NVL: variants seen among roughly 807,000 people sequenced by gnomAD.
NVL encodes nuclear valosin-containing protein-like.
Under a neutral mutation model 110.2 loss-of-function variants are expected in NVL, and 84 were observed. The ratio of observed to expected loss-of-function variants is 0.76; its 90% CI spans 0.64 to 0.91. NVL has a LOEUF of 0.91. Ranked by LOEUF, NVL falls within the 40% of genes least tolerant of loss-of-function variation. NVL has a pLI of 0.00. For missense variants in NVL, 882 were observed against 1,035.9 expected (o/e 0.85, Z 2.04); for synonymous variants, 354 against 361.1 (o/e 0.98, Z 0.22).
Position 224,285,512 on chromosome 1 carries a change from G to T in NVL, c.1899+514C>A, listed in dbSNP as rs569103728. On this transcript the variant is annotated intron_variant, in intron 15 of 22. Coordinates refer to ENST00000281701, the MANE Select transcript of NVL (RefSeq NM_002533.4). ...AAACTTAAAAGTTAGATATTACTTT[G>T]ATATGTATGCATAGAAAAATATCTG... is the stretch of plus-strand genomic sequence containing the variant. 2.0e-5 allele frequency among the ~76,000 whole-genome samples: 3 copies of T among 152,222 alleles called. No homozygotes were observed. In the East Asian group the frequency reaches 5.8e-4, roughly 29 times the overall value.
chr1:224,254,375 G>A (rs1181009608), intron 18 of NVL, among the ~76,000 whole-genome samples: 1 of 143,732 alleles, frequency 7.0e-6, no homozygotes, highest in Non-Finnish European at 1.5e-5. Flanking sequence ...ACAGGCATGA[G>A]CCACAGTGCC....
At chr1:224,240,879 C>T (rs1412120999) in intron 19 of NVL, among the ~76,000 whole-genome samples, 6 of 150,504 alleles carry the variant, frequency 4.0e-5, no homozygotes, top group Non-Finnish European at 8.9e-5. Flanking sequence ...CAAGCTCCGC[C>T]TCCCGGGTTC....
At chr1:224,233,503 T>C (rs1660136901) in intron 20 of NVL, among the ~76,000 whole-genome samples, 1 of 152,236 alleles carries the variant, frequency 6.6e-6, no homozygotes, top group Admixed American at 6.5e-5. Flanking sequence ...CTCACGCCTA[T>C]AATCCCAGCA....
chr1:224,325,429 G>C (rs1233209645), intron 2 of NVL, among the ~76,000 whole-genome samples: 1 of 146,588 alleles, frequency 6.8e-6, no homozygotes, highest in East Asian at 2.0e-4. Flanking sequence ...AATAAAAACT[G>C]TATTTAAAAA....
intron 18 of NVL, 150 bp from the exon 19 acceptor site, chr1:224,250,468 G>GCA: frequency 1.7e-6 from 1 of 582,292 alleles, no homozygotes; most frequent in Non-Finnish European, 2.7e-6. Context: ...AGGCTCAGAT[G>GCA]ATTCTCCCAC....
intron 18 of NVL, among the ~76,000 whole-genome samples, chr1:224,260,884 T>C (rs1050300696): frequency 1.3e-5 from 2 of 151,436 alleles, no homozygotes; most frequent in Non-Finnish European, 2.9e-5. Context: ...ATTTTTATTT[T>C]ATATTTTTTG....
chr1:224,290,840 G>A (rs915795675), intron 12 of NVL, among the ~76,000 whole-genome samples: 9 of 151,882 alleles, frequency 5.9e-5, no homozygotes, highest in African/African-American at 2.2e-4. Flanking sequence ...CATGGGGGCG[G>A]GTACCTGTAA....
Position 224,294,358 on chromosome 1 carries a change from G to C in NVL, c.1234C>G (p.Arg412Gly), listed in dbSNP as rs773133873. ...AAAGCAGGGTCTAACGAGTCTGGTC[G>C]ATTAGTAGCTCCAATAACTAGGACC... ...ARVLVIGATN[R>G]PDSLDPALRR... Residue 412 changes from arginine (R) to glycine (G), a missense_variant, in exon 12 of 23, where the codon CGA becomes GGA. Arg to Gly is a moderately radical substitution (Grantham distance 125, BLOSUM62 -2). This residue lies in a region of NVL where 416 missense variants were observed against 499.3 expected (regional missense o/e 0.83). Coordinates refer to ENST00000281701, the MANE Select transcript of NVL (RefSeq NM_002533.4). 1 of 1,614,010 alleles carries C rather than the reference G, an allele frequency of 6.2e-7. No individual in the cohort carries two copies. Among genetic ancestry groups the C allele is most frequent in the East Asian group, 2.2e-5 (1 of 44,868 alleles).
intron 18 of NVL, among the ~76,000 whole-genome samples, chr1:224,260,927 G>A (rs970829451): frequency 6.6e-6 from 1 of 151,970 alleles, no homozygotes; most frequent in African/African-American, 2.4e-5. Flanking sequence ...CCAGGCTGGA[G>A]TGCAGTGGCG....
intron 10 of NVL, among the ~76,000 whole-genome samples, chr1:224,299,869 T>C (rs996921665): frequency 2.6e-5 from 4 of 152,242 alleles, no homozygotes; most frequent in African/African-American, 9.6e-5. Context: ...AAATATAATT[T>C]CTCTTCTAAT....
At chr1:224,318,951 T>C (rs547387966) in intron 2 of NVL, among the ~76,000 whole-genome samples, 62 of 149,136 alleles carry the variant, frequency 4.2e-4, no homozygotes, top group East Asian at 6.0e-4. Flanking sequence ...ATCGTGCCAC[T>C]GCACTCCAGC....
chr1:224,235,771 T>C (rs1032826747), intron 20 of NVL, among the ~76,000 whole-genome samples: 10 of 151,498 alleles, frequency 6.6e-5, no homozygotes, highest in Admixed American at 5.3e-4. Context: ...ACTACAAAAA[T>C]TTTTTAAAAA....
At position 224,275,434 on chromosome 1, in the gene NVL, C is replaced by A; in HGVS notation, c.1987G>T (p.Val663Leu). The A allele has an allele frequency of 6.2e-7, 1 of 1,614,140 alleles. No individual in the cohort carries two copies. Among genetic ancestry groups the A allele is most frequent in the Non-Finnish European group, 8.5e-7 (1 of 1,180,034 alleles). ...NMYVGESERAVRQVFQRAKNS... is the reference protein window; with the variant it reads ...NMYVGESERALRQVFQRAKNS... ...TTGGCTCGTTGAAAAACTTGTCGCA[C>A]AGCACGTTCACTCTCACCAACATAC... The change falls in exon 17 of 23, where the codon GTG (valine) becomes TTG (leucine). Residue 663 changes from valine to leucine, a missense_variant. Val to Leu is a conservative substitution (Grantham distance 32, BLOSUM62 1). This residue lies in a region of NVL where 66 missense variants were observed against 127.5 expected (regional missense o/e 0.52). Transcript: ENST00000281701.
chr1:224,267,261 T>C (rs1437438771), intron 18 of NVL, among the ~76,000 whole-genome samples: 1 of 152,196 alleles, frequency 6.6e-6, no homozygotes, highest in Admixed American at 6.6e-5. Context: ...AGGGCAGATA[T>C]AGGGGCATGG....
chr1:224,298,325 G>T, intron 10 of NVL: 1 of 231,500 alleles, frequency 4.3e-6, no homozygotes. Flanking sequence ...AGTCTATAAC[G>T]TTATCCAGCA....
At chr1:224,304,621 C>A in intron 8 of NVL, 115 bp downstream of exon 8, 1 of 876,348 alleles carries the variant, frequency 1.1e-6, no homozygotes, top group Non-Finnish European at 1.8e-6. Context: ...CCTTCTCAAC[C>A]TTCCCAGTTT....
chr1:224,281,929 G>A (rs1335022583), intron 15 of NVL, among the ~76,000 whole-genome samples: 1 of 149,296 alleles, frequency 6.7e-6, no homozygotes, highest in East Asian at 2.0e-4. Context: ...CTCCAGCCTG[G>A]GCGACAGAGC....
chr1:224,237,379 A>C (rs1222048504), intron 19 of NVL, among the ~76,000 whole-genome samples: 1 of 152,134 alleles, frequency 6.6e-6, no homozygotes, highest in Non-Finnish European at 1.5e-5. Flanking sequence ...CTCAATCTTG[A>C]TTTTGGTGCC....
Position 224,283,291 on chromosome 1 carries a change from T to C in NVL, c.1900-2106A>G, listed in dbSNP as rs185608460. Reference sequence around the variant, plus strand: ...TCACGAGGTCAGGAGATCGAGACCATCCTGGCTAATGCGGCAAAACCCCGT... The same window carrying C: ...TCACGAGGTCAGGAGATCGAGACCACCCTGGCTAATGCGGCAAAACCCCGT... On this transcript the variant is annotated intron_variant, in intron 15 of 22. Coordinates refer to ENST00000281701, the MANE Select transcript of NVL (RefSeq NM_002533.4). Among the ~76,000 whole-genome samples the C allele has an allele frequency of 5.8e-3, 874 of 151,986 alleles. 3 individuals are homozygous for C. The highest frequency in any genetic ancestry group is 0.014 in the Middle Eastern group (4 of 294).
Sources: gnomAD v4.1 joint callset for allele counts (sites outside exome capture counted in the v4.1 genomes callset) on GRCh38, gnomAD v4.1.1 for gene constraint, gnomAD v4.1.1 regional missense constraint, MANE v1.5 for transcripts, NCBI Gene and HGNC (gene_info 2026-07-23, HGNC 2026-07-21) for gene names.